Variants in ORC1 observed in about 807,000 individuals in gnomAD.
The protein encoded by ORC1 is origin recognition complex, subunit 1 homolog.
ORC1 carries 61 observed loss-of-function variants against 98.9 expected under a neutral mutation model. The observed-to-expected ratio is 0.62, with a 90% confidence interval of 0.50 to 0.76. The LOEUF is 0.76. ORC1 is among the 30% of genes least tolerant of loss of function. The pLI, the probability that ORC1 is intolerant of heterozygous loss-of-function variation, is 0.00. For synonymous variants in ORC1, 385 were observed against 406.9 expected (o/e 0.95, Z 0.65); for missense variants, 979 against 1,072.2 (o/e 0.91, Z 1.21).
At chr1:52,390,916 A>AAAG (rs1212905668) in intron 6 of ORC1, among the ~76,000 whole-genome samples, 1 of 151,316 alleles carries the variant, frequency 6.6e-6, no homozygotes, top group South Asian at 2.1e-4. Context: ...AAAAAAAAAA[A>AAAG]AAGAAGAAGA....
chr1:52,405,608 G>A (rs1395504084), upstream of ORC1: 9 of 1,461,472 alleles, frequency 6.2e-6, no homozygotes, highest in Non-Finnish European at 8.5e-6. Flanking sequence ...GAGAACCAAA[G>A]CTTGAACTAA....
intron 14 of ORC1, among the ~76,000 whole-genome samples, chr1:52,380,412 T>C (rs182304460): frequency 5.3e-5 from 8 of 152,214 alleles, no homozygotes; most frequent in Non-Finnish European, 8.8e-5. Context: ...TAGGATGGCA[T>C]TGGCCGAGCG....
At chr1:52,384,013 G>C in intron 11 of ORC1, 76 bp from the exon 12 acceptor site, 1 of 1,206,206 alleles carries the variant, frequency 8.3e-7, no homozygotes, top group Non-Finnish European at 1.2e-6. Flanking sequence ...ATCTGCAAAT[G>C]GAGGGAGGCA....
rs148153603 is a variant in ORC1, at chr1:52,384,453, A to G, written c.1755+97T>C. 283 of 1,093,924 alleles carry G rather than the reference A, an allele frequency of 2.6e-4. 1 individual carries two copies. In the East Asian group the frequency reaches 4.5e-3, roughly 17 times the overall value. The allele number at this position is 1,093,924 out of a possible 1,614,324, so 67.8% of individuals were successfully genotyped here. A position where few individuals can be genotyped will look rare whatever the true frequency, so the allele number is the denominator to read the frequency against. On this transcript the variant is annotated intron_variant, in intron 11 of 16. Transcript: ENST00000371568. ...CAGAAAGGACAATGCCTGGTATATC[A>G]TGAACATGCAATACACGCAAAATTA...
intron 1 of ORC1, among the ~76,000 whole-genome samples, chr1:52,403,748 A>G (rs915372358): frequency 1.3e-5 from 2 of 152,086 alleles, no homozygotes; most frequent in Non-Finnish European, 2.9e-5. Context: ...AGCAGTTAGG[A>G]GCTCATCTGA....
At chr1:52,401,229 C>T in intron 3 of ORC1, 133 bp downstream of exon 3, 1 of 1,122,388 alleles carries the variant, frequency 8.9e-7, no homozygotes, top group South Asian at 1.2e-5. Context: ...GAAGAAGACG[C>T]AGCTAGTTCT....
At chr1:52,404,083 G>A (rs1279495106) in intron 1 of ORC1, among the ~76,000 whole-genome samples, 163 bp downstream of exon 1, 2 of 152,184 alleles carry the variant, frequency 1.3e-5, no homozygotes, top group Admixed American at 1.3e-4. Flanking sequence ...TGGAACAGAG[G>A]AACGCTCTTA....
chr1:52,388,120 G>A (rs570941144), intron 8 of ORC1, among the ~76,000 whole-genome samples: 9 of 152,180 alleles, frequency 5.9e-5, no homozygotes, highest in African/African-American at 1.4e-4. Flanking sequence ...CCGTACATGC[G>A]ATACCCACTC....
At position 52,395,907 on chromosome 1, in the gene ORC1, A is replaced by G. The variant is rs1219390677; in HGVS notation, c.721+139T>C. 6 of 1,426,578 alleles carry G rather than the reference A, an allele frequency of 4.2e-6. No individual in the cohort carries two copies. The East Asian group carries it at 1.5e-4, about 35-fold the overall frequency. The allele number at this position is 1,426,578 out of a possible 1,614,324, so 88.4% of individuals were successfully genotyped here. A position where few individuals can be genotyped will look rare whatever the true frequency, so the allele number is the denominator to read the frequency against. On this transcript the variant is annotated intron_variant, in intron 5 of 16. Coordinates refer to ENST00000371568, the MANE Select transcript of ORC1 (RefSeq NM_004153.4). The stretch of plus-strand genomic sequence containing the variant: ...CTACTGGGGAGGCTGAGGCAGAAGG[A>G]TTGCTTGAGCATGATCACTTGAGTT...
At chr1:52,385,135 T>C (rs1274122765) in intron 10 of ORC1, 26 bp downstream of exon 10, 1 of 1,465,168 alleles carries the variant, frequency 6.8e-7, no homozygotes, top group Non-Finnish European at 9.6e-7. Context: ...TTCCCCAAAC[T>C]ACCCTGCCTG....
chr1:52,391,897 C>CAA (rs1324525529), intron 6 of ORC1, among the ~76,000 whole-genome samples: 1 of 78,118 alleles, frequency 1.3e-5, no homozygotes, highest in Non-Finnish European at 2.5e-5. Flanking sequence ...GACTCCCGCT[C>CAA]AAAAAAAAAA....
At chr1:52,386,096 T>C in intron 8 of ORC1, 147 bp from the exon 9 acceptor site, 1 of 708,148 alleles carries the variant, frequency 1.4e-6, no homozygotes, top group Non-Finnish European at 2.6e-6. Flanking sequence ...GGACCATGAC[T>C]CTCCCTCTCT....
At position 52,373,224 on chromosome 1, in the gene ORC1, T is replaced by G. The variant is rs773920523; in HGVS notation, c.2543A>C (p.Asn848Thr). The G allele has an allele frequency of 2.5e-6, 4 of 1,614,106 alleles. No individual in the cohort carries two copies. The highest frequency in any genetic ancestry group is 1.3e-5 in the African/African-American group (1 of 74,936). ...RNDLLLRVRLNVSQDDVLYAL... is the reference protein window; with the variant it reads ...RNDLLLRVRLTVSQDDVLYAL... ...ATACAGCACATCATCCTGGCTGACG[T>G]TGAGCCGCACCCGAAGGAGCAGATC... Residue 848 changes from asparagine (N) to threonine (T), a missense_variant, in exon 17 of 17, where the codon AAC becomes ACC. Asn to Thr is a moderately conservative substitution (Grantham distance 65, BLOSUM62 0). Transcript: ENST00000371568.
intron 2 of ORC1, 63 bp from the exon 3 acceptor site, chr1:52,401,552 C>T: frequency 6.3e-7 from 1 of 1,590,196 alleles, no homozygotes; most frequent in East Asian, 2.2e-5. Context: ...CTTCAGATCC[C>T]CTGGGCACAA....
In ORC1 at chr1:52,396,352, C is replaced by T. The variant is rs1271506959; in HGVS notation, c.415G>A (p.Ala139Thr). 6.2e-7 allele frequency: 1 copy of T among 1,614,064 alleles called. No individual in the cohort carries two copies. Among genetic ancestry groups the T allele is most frequent in the Admixed American group, 1.7e-5 (1 of 60,020 alleles). Reference sequence around the variant, plus strand: ...TTCGTCGGTACCACATCCTTTGGGGCTAAAGGTATCACCTGAATTTAGGAA... The same window carrying T: ...TTCGTCGGTACCACATCCTTTGGGGTTAAAGGTATCACCTGAATTTAGGAA... ...IIGLVRVIPL[A>T]PKDVVPTNLK... is the part of the protein sequence containing the mutation. The change falls in exon 5 of 17, where the codon GCC becomes ACC. Residue 139 changes from alanine to threonine, a missense_variant. By Grantham distance (58) the Ala-to-Thr change is moderately conservative. Coordinates refer to ENST00000371568, the MANE Select transcript of ORC1 (RefSeq NM_004153.4).
chr1:52,383,723 G>C, intron 12 of ORC1, 107 bp downstream of exon 12: 1 of 1,271,690 alleles, frequency 7.9e-7, no homozygotes. Context: ...CCAGAAAATG[G>C]GCTCATATGA....
chr1:52,386,384 A>G (rs1647143400), intron 8 of ORC1, among the ~76,000 whole-genome samples: 1 of 152,238 alleles, frequency 6.6e-6, no homozygotes, highest in Non-Finnish European at 1.5e-5. Context: ...GCATCAGCCC[A>G]GGACTTCCAT....
At chr1:52,406,932 G>A (rs1262682972), upstream of ORC1, among the ~76,000 whole-genome samples, 5 of 152,150 alleles carry the variant, frequency 3.3e-5, no homozygotes, top group Admixed American at 2.6e-4. Flanking sequence ...TCTGCTTCTC[G>A]TACAAAGAAA....
chr1:52,399,623 C>CAA (rs1198516466), intron 3 of ORC1, among the ~76,000 whole-genome samples: 28 of 64,090 alleles, frequency 4.4e-4, no homozygotes, highest in East Asian at 8.3e-4. Flanking sequence ...GACTCTGTCT[C>CAA]AAAAAAAAAA....
Sources: allele counts gnomAD v4.1 joint callset (sites outside exome capture counted in the v4.1 genomes callset), GRCh38; gene constraint gnomAD v4.1.1; transcripts MANE v1.5; gene names NCBI Gene and HGNC (gene_info 2026-07-23, HGNC 2026-07-21).